Variants in SLC35F2 observed in about 807,000 individuals in gnomAD.
The protein encoded by SLC35F2 is solute carrier family 35 member F2.
SLC35F2 carries 25 observed loss-of-function variants against 38.1 expected under a neutral mutation model. That is an observed-to-expected ratio of 0.66 (90% CI 0.48 to 0.92). The LOEUF is 0.92. Ranked by LOEUF, SLC35F2 falls within the 40% of genes least tolerant of loss-of-function variation. The probability of loss-of-function intolerance (pLI) is 0.00; values close to 1 mark genes in which losing one functional copy is unlikely to be tolerated. For missense variants in SLC35F2, 409 were observed against 452.9 expected (o/e 0.90, Z 0.88); for synonymous variants, 173 against 181.7 (o/e 0.95, Z 0.38).
chr11:107,805,670 G>A (rs926370523), intron 4 of SLC35F2, 155 bp from the exon 5 acceptor site: 1 of 979,694 alleles, frequency 1.0e-6, no homozygotes, highest in Non-Finnish European at 1.2e-6. Flanking sequence ...GTGTGTGTGT[G>A]TATGTGTGTG....
intron 1 of SLC35F2, among the ~76,000 whole-genome samples, chr11:107,843,863 AAAAAAATATATATAT>A (rs1341287487): frequency 1.2e-4 from 4 of 33,762 alleles, no homozygotes; most frequent in African/African-American, 3.2e-4. Context: ...AAAAAAAAAA[AAAAAAATATATATAT>A]ATATATATAT....
chr11:107,808,694 A>T (rs1392099880), intron 3 of SLC35F2, among the ~76,000 whole-genome samples: 1 of 152,192 alleles, frequency 6.6e-6, no homozygotes, highest in African/African-American at 2.4e-5. Flanking sequence ...AGGAATGGGC[A>T]TCTTGCCTTG....
chr11:107,803,509 T>C (rs1441860149), intron 6 of SLC35F2: 2 of 984,982 alleles, frequency 2.0e-6, no homozygotes, highest in South Asian at 4.7e-5. Context: ...AGAATCAACA[T>C]CTCATGTCAA....
chr11:107,816,153 C>G, intron 1 of SLC35F2, 188 bp from the exon 2 acceptor site: 2 of 985,320 alleles, frequency 2.0e-6, no homozygotes, highest in Non-Finnish European at 2.4e-6. Context: ...TTTTTATTCT[C>G]TATTTTTCTG....
chr11:107,822,550 G>A (rs565791312), intron 1 of SLC35F2, among the ~76,000 whole-genome samples: 1 of 152,114 alleles, frequency 6.6e-6, no homozygotes, highest in Admixed American at 6.5e-5. Flanking sequence ...TCCACTGTGT[G>A]CCCCCACAAA....
chr11:107,827,160 T>A (rs1175691235), intron 1 of SLC35F2, among the ~76,000 whole-genome samples: 1 of 152,162 alleles, frequency 6.6e-6, no homozygotes. Flanking sequence ...AAAGGTACAA[T>A]TGACTCATGA....
chr11:107,793,327 C>T (rs932174050), intron 7 of SLC35F2, among the ~76,000 whole-genome samples: 3 of 152,162 alleles, frequency 2.0e-5, no homozygotes, highest in Non-Finnish European at 4.4e-5. Context: ...ACATAAGCCA[C>T]CTGGATCCTT....
At chr11:107,857,311 G>A (rs1473605752) in intron 1 of SLC35F2, among the ~76,000 whole-genome samples, 1 of 147,266 alleles carries the variant, frequency 6.8e-6, no homozygotes, top group Admixed American at 6.8e-5. Context: ...ACGAAGGAAG[G>A]AGAGAGGGAA....
At chr11:107,850,019 C>T (rs1264963681) in intron 1 of SLC35F2, among the ~76,000 whole-genome samples, 1 of 152,206 alleles carries the variant, frequency 6.6e-6, no homozygotes, top group East Asian at 1.9e-4. Flanking sequence ...TCTCCAAGCT[C>T]CTTGGGCTAA....
chr11:107,818,056 CAAAAAA>C (rs57787130), intron 1 of SLC35F2, among the ~76,000 whole-genome samples: 52 of 66,150 alleles, frequency 7.9e-4, no homozygotes, highest in African/African-American at 2.4e-3. Context: ...GACTCTGTCT[CAAAAAA>C]AAAAAAAAAA....
chr11:107,826,025 C>A (rs1250632189), intron 1 of SLC35F2, among the ~76,000 whole-genome samples: 1 of 152,072 alleles, frequency 6.6e-6, no homozygotes, highest in African/African-American at 2.4e-5. Context: ...CAAAGCTATT[C>A]ATTACAGCAC....
chr11:107,824,098 T>C (rs992255160), intron 1 of SLC35F2: 1 of 738,094 alleles, frequency 1.4e-6, no homozygotes, highest in Non-Finnish European at 1.7e-6. Flanking sequence ...TAGCTTGCAA[T>C]TGTGAAGAAC....
Position 107,853,719 on chromosome 11 carries a change from C to CAAA in SLC35F2, c.110+4936_110+4938dup, listed in dbSNP as rs67932834. Among the ~76,000 whole-genome samples the CAAA allele has an allele frequency of 2.2e-3, 148 of 67,544 alleles. 1 individual carries two copies. Among genetic ancestry groups the CAAA allele is most frequent in the Admixed American group, 3.3e-3 (18 of 5,378 alleles). The allele number at this position is 67,544 out of a possible 152,430, so 44.3% of individuals were successfully genotyped here. ...TGGGCGACAGAGCGAGACTCCGTCT[C>CAAA]AAAAAAAAAAAAAAAAAAAAAAGAA... On this transcript the variant is annotated intron_variant, in intron 1 of 7. Coordinates refer to ENST00000525815, the MANE Select transcript of SLC35F2 (RefSeq NM_017515.5).
At position 107,791,001 on chromosome 11, in the gene SLC35F2, T is replaced by G. The variant is rs911213915; in HGVS notation, c.*1614A>C. The G allele has an allele frequency of 6.6e-6, 1 of 152,624 alleles. No homozygotes were observed. The highest frequency in any genetic ancestry group is 1.9e-4 in the East Asian group (1 of 5,200). The allele number at this position is 152,624 out of a possible 1,614,324, so 9.5% of individuals were successfully genotyped here. A position where few individuals can be genotyped will look rare whatever the true frequency, so the allele number is the denominator to read the frequency against. ...AAACCACACAGTTGATGTATTTCCA[T>G]GAATTCAAAGCCTTTTAATGATGTG... is the stretch of plus-strand genomic sequence containing the variant. On this transcript the variant is annotated 3_prime_UTR_variant, in exon 8 of 8. Transcript: ENST00000525815.
rs1194467830 is a variant in SLC35F2, at chr11:107,792,808, G to A, written c.940-8C>T. 4 of 1,550,324 alleles carry A rather than the reference G, an allele frequency of 2.6e-6. No homozygotes were observed. The African/African-American group carries it at 4.1e-5, about 16-fold the overall frequency. On this transcript the variant is annotated splice_region_variant and splice_polypyrimidine_tract_variant and intron_variant, in intron 7 of 7. Coordinates refer to ENST00000525815, the MANE Select transcript of SLC35F2 (RefSeq NM_017515.5). ...GATGTAGAGTCCTGAAAACTAGAAG[G>A]GAAGAACAGGCAGTGAATTGTGCCC...
intron 7 of SLC35F2, 77 bp downstream of exon 7, chr11:107,802,924 C>CTAGA (rs1051798022): frequency 7.3e-7 from 1 of 1,362,542 alleles, no homozygotes; most frequent in Non-Finnish European, 9.8e-7. Flanking sequence ...ATTTTTTGAT[C>CTAGA]TAGAGTCTTG....
intron 1 of SLC35F2, among the ~76,000 whole-genome samples, chr11:107,858,244 C>G (rs1193914231): frequency 6.6e-6 from 1 of 152,180 alleles, no homozygotes; most frequent in African/African-American, 2.4e-5. Flanking sequence ...CTGGCTGGCT[C>G]GGCAGCAGAT....
At position 107,811,798 on chromosome 11, in the gene SLC35F2, G is replaced by C. The variant is rs1284810692; in HGVS notation, c.287-4C>G. The C allele has an allele frequency of 1.1e-5, 17 of 1,613,028 alleles. No homozygotes were observed. The highest frequency in any genetic ancestry group is 1.4e-5 in the Non-Finnish European group (17 of 1,179,402). On this transcript the variant is annotated splice_region_variant and splice_polypyrimidine_tract_variant and intron_variant, in intron 2 of 7. Coordinates refer to ENST00000525815, the MANE Select transcript of SLC35F2 (RefSeq NM_017515.5). ...ATTACTAAAAGGTTATCACTGCCTG[G>C]TTGAAAGAAATATGGGTTAGTACAT...
At position 107,841,784 on chromosome 11, in the gene SLC35F2, C is replaced by T. The variant is rs1005226047; in HGVS notation, c.110+16874G>A. The stretch of plus-strand genomic sequence containing the variant: ...GCCAGAAGTTCAAAACCAGCCTAGC[C>T]AACATGGCAAAACCCTGTCTCTACT... On this transcript the variant is annotated intron_variant, in intron 1 of 7. Transcript: ENST00000525815. Among the ~76,000 whole-genome samples the T allele has an allele frequency of 7.9e-5, 12 of 152,052 alleles. 1 individual carries two copies. Among genetic ancestry groups the T allele is most frequent in the African/African-American group, 2.9e-4 (12 of 41,390 alleles).
Sources: allele counts gnomAD v4.1 joint callset (sites outside exome capture counted in the v4.1 genomes callset), GRCh38; gene constraint gnomAD v4.1.1; transcripts MANE v1.5; gene names NCBI Gene and HGNC (gene_info 2026-07-23, HGNC 2026-07-21).